MYLK: variants seen among roughly 807,000 people sequenced by gnomAD.
The protein encoded by MYLK is myosin light chain kinase.
MYLK carries 106 observed loss-of-function variants against 203.4 expected under a neutral mutation model. That is an observed-to-expected ratio of 0.52 (90% CI 0.45 to 0.61). MYLK has a LOEUF of 0.61. Among genes scored for constraint, MYLK ranks in the 20% least tolerant of loss-of-function variants. The pLI is 0.00. For missense variants in MYLK, 2,072 were observed against 2,442.3 expected, an observed-to-expected ratio of 0.85 and a Z score of 3.20; for synonymous variants, 867 against 959.5, an observed-to-expected ratio of 0.90 and a Z score of 1.78.
chr3:123,636,057 G>A (rs936949196), intron 29 of MYLK, among the ~76,000 whole-genome samples: 1 of 152,144 alleles, frequency 6.6e-6, no homozygotes, highest in African/African-American at 2.4e-5. Context: ...AACAGGGAGG[G>A]GTGCCAGAGG....
intron 13 of MYLK, among the ~76,000 whole-genome samples, chr3:123,717,786 AT>A (rs1188051473): frequency 2.7e-5 from 4 of 149,356 alleles, no homozygotes; most frequent in East Asian, 3.9e-4. Flanking sequence ...CTATTGGGGA[AT>A]TTTTTTTCCC....
At chr3:123,869,529 C>T (rs1462622825) in intron 2 of MYLK, among the ~76,000 whole-genome samples, 1 of 152,116 alleles carries the variant, frequency 6.6e-6, no homozygotes, top group African/African-American at 2.4e-5. Context: ...CCTTGAATCA[C>T]CCCTCCCCAT....
In MYLK at chr3:123,769,999, T is replaced by C. The variant is rs139720438; in HGVS notation, c.166-17461A>G. 6.1e-3 allele frequency among the ~76,000 whole-genome samples: 927 copies of C among 152,132 alleles called. 9 individuals are homozygous for C. The highest frequency in any genetic ancestry group is 0.021 in the Middle Eastern group (6 of 292). On this transcript the variant is annotated intron_variant, in intron 4 of 33. Coordinates refer to ENST00000360304, the MANE Select transcript of MYLK (RefSeq NM_053025.4). ...TCCTGGGAGTATACATATTGGCTGATAGAATCAATGTTCTAAAAGAACAAA... is the reference window on the plus strand; with the variant it reads ...TCCTGGGAGTATACATATTGGCTGACAGAATCAATGTTCTAAAAGAACAAA...
At chr3:123,704,747 CAAAAAAAA>C (rs5852352) in intron 16 of MYLK, among the ~76,000 whole-genome samples, 104 of 87,688 alleles carry the variant, frequency 1.2e-3, no homozygotes, top group African/African-American at 1.5e-3. Flanking sequence ...ACTAAAAATA[CAAAAAAAA>C]AAAAAAAAAA....
At chr3:123,853,507 C>T (rs2031052189) in intron 2 of MYLK, among the ~76,000 whole-genome samples, 1 of 152,142 alleles carries the variant, frequency 6.6e-6, no homozygotes, top group African/African-American at 2.4e-5. Context: ...TGATTTGTTA[C>T]AGACCAGTAA....
chr3:123,824,218 T>C (rs1163122087), intron 3 of MYLK, among the ~76,000 whole-genome samples: 1 of 151,994 alleles, frequency 6.6e-6, no homozygotes, highest in Non-Finnish European at 1.5e-5. Context: ...GCCTCCTGAG[T>C]AGCTGGGATT....
At chr3:123,778,266 A>G (rs2109017718) in intron 4 of MYLK, among the ~76,000 whole-genome samples, 1 of 152,204 alleles carries the variant, frequency 6.6e-6, no homozygotes, top group Non-Finnish European at 1.5e-5. Flanking sequence ...GTGGTATTAA[A>G]TTTGCACTAG....
At chr3:123,734,952 G>A in intron 9 of MYLK, 1 of 271,424 alleles carries the variant, frequency 3.7e-6, no homozygotes, top group Non-Finnish European at 7.3e-6. Flanking sequence ...ATCCCAGTTG[G>A]TAATGTGCGT....
At chr3:123,636,078 C>G (rs1053869805) in intron 29 of MYLK, among the ~76,000 whole-genome samples, 1 of 152,174 alleles carries the variant, frequency 6.6e-6, no homozygotes, top group Non-Finnish European at 1.5e-5. Context: ...GCTGTGGGGG[C>G]CTGGCAGTGC....
intron 4 of MYLK, among the ~76,000 whole-genome samples, chr3:123,773,371 C>G (rs977079154): frequency 2.0e-5 from 3 of 152,098 alleles, no homozygotes; most frequent in African/African-American, 7.2e-5. Flanking sequence ...TATGTCAAAA[C>G]TTTTAAAGTA....
At chr3:123,662,172 G>A (rs999082486) in intron 23 of MYLK, among the ~76,000 whole-genome samples, 2 of 152,292 alleles carry the variant, frequency 1.3e-5, no homozygotes. Context: ...GATGAGTTTT[G>A]CAGCCAGAGT....
At chr3:123,631,891 ACAGAGTGTTGCTCTGTTGCC>A (rs1306823476) in intron 29 of MYLK, among the ~76,000 whole-genome samples, 14 of 140,034 alleles carry the variant, frequency 1.0e-4, no homozygotes, top group African/African-American at 1.4e-4. Flanking sequence ...TTTTTTTGAG[ACAGAGTGTTGCTCTGTTGCC>A]CAGGCTGGAG....
chr3:123,775,367 G>A (rs2064034076), intron 4 of MYLK, among the ~76,000 whole-genome samples: 1 of 152,208 alleles, frequency 6.6e-6, no homozygotes, highest in Non-Finnish European at 1.5e-5. Context: ...ACAAATGTAA[G>A]TTCAGGAAAG....
At chr3:123,731,455 C>A (rs983309713) in intron 11 of MYLK, among the ~76,000 whole-genome samples, 1 of 152,008 alleles carries the variant, frequency 6.6e-6, no homozygotes, top group Non-Finnish European at 1.5e-5. Flanking sequence ...CTGTACTTTG[C>A]TCCTCTCCCT....
intron 2 of MYLK, among the ~76,000 whole-genome samples, chr3:123,845,125 T>C (rs1276686434): frequency 2.0e-5 from 3 of 152,094 alleles, no homozygotes; most frequent in South Asian, 4.2e-4. Context: ...AACTTCTGGG[T>C]TCTAGTCCTT....
chr3:123,661,328 GA>G (rs2059554498), intron 23 of MYLK, among the ~76,000 whole-genome samples: 1 of 152,136 alleles, frequency 6.6e-6, no homozygotes, highest in Non-Finnish European at 1.5e-5. Context: ...GAACATCAAA[GA>G]AAAGTTTAAA....
In MYLK at chr3:123,620,190, G is replaced by A; in HGVS notation, c.5368+17C>T. On this transcript the variant is annotated intron_variant, in intron 32 of 33. Transcript: ENST00000360304. ...CCCTTTCTTTCTCACCAGCTGGCTG[G>A]AGAAACTCCTCCTTACCTTCAGATT... is the stretch of plus-strand genomic sequence containing the variant. 2 of 1,589,018 alleles carry A rather than the reference G, an allele frequency of 1.3e-6. No individual in the cohort carries two copies. The highest frequency in any genetic ancestry group is 1.7e-6 in the Non-Finnish European group (2 of 1,158,060).
intron 16 of MYLK, among the ~76,000 whole-genome samples, chr3:123,703,353 T>G (rs2061326037): frequency 2.0e-5 from 3 of 152,230 alleles, no homozygotes; most frequent in Admixed American, 1.3e-4. Flanking sequence ...TTCTCTCCAG[T>G]GCCCTCGTGC....
At chr3:123,845,616 A>G (rs1035585092) in intron 2 of MYLK, among the ~76,000 whole-genome samples, 1 of 152,140 alleles carries the variant, frequency 6.6e-6, no homozygotes, top group African/African-American at 2.4e-5. Flanking sequence ...GTAGCCTCCC[A>G]AGTAGCCAGG....
Sources: allele counts gnomAD v4.1 joint callset (sites outside exome capture counted in the v4.1 genomes callset), GRCh38; gene constraint gnomAD v4.1.1; transcripts MANE v1.5; gene names NCBI Gene and HGNC (gene_info 2026-07-23, HGNC 2026-07-21).